MITF: variants seen among roughly 807,000 people sequenced by gnomAD.
MITF encodes the protein microphthalmia-associated transcription factor.
In MITF, 17 loss-of-function variants were observed where a neutral mutation model predicts 60.5. That is an observed-to-expected ratio of 0.28 (90% CI 0.19 to 0.42). The LOEUF is 0.42. MITF is among the 10% of genes least tolerant of loss of function. The probability of loss-of-function intolerance (pLI) is 1.00; values close to 1 mark genes in which losing one functional copy is unlikely to be tolerated. For missense variants in MITF, 622 were observed against 683.5 expected (o/e 0.91, Z 1.00); for synonymous variants, 260 against 248.5 (o/e 1.05, Z -0.43).
At chr3:69,812,506 A>G (rs1045961707) in intron 1 of MITF, among the ~76,000 whole-genome samples, 7 of 152,218 alleles carry the variant, frequency 4.6e-5, no homozygotes, top group African/African-American at 1.7e-4. Context: ...TGAATTCTAA[A>G]TGGAATACTT....
chr3:69,749,105 G>A (rs79277475), intron 1 of MITF, among the ~76,000 whole-genome samples: 1,884 of 152,252 alleles, frequency 0.012, 31 homozygotes, highest in African/African-American at 0.043. Flanking sequence ...AAATCCTAAA[G>A]ATGATTTCCT....
At chr3:69,934,092 T>C (rs1251249874) in intron 2 of MITF, among the ~76,000 whole-genome samples, 3 of 152,120 alleles carry the variant, frequency 2.0e-5, no homozygotes. Flanking sequence ...GGGAGTGACA[T>C]TGCTGGTGCA....
intron 2 of MITF, among the ~76,000 whole-genome samples, chr3:69,932,484 T>C (rs1215392628): frequency 6.6e-6 from 1 of 152,216 alleles, no homozygotes; most frequent in Non-Finnish European, 1.5e-5. Flanking sequence ...ACTCCTGTTG[T>C]AGAGAAAAAG....
intron 1 of MITF, among the ~76,000 whole-genome samples, chr3:69,835,778 T>A (rs1440529286): frequency 1.3e-5 from 2 of 152,152 alleles, no homozygotes; most frequent in African/African-American, 4.8e-5. Flanking sequence ...AAAAAGTCAT[T>A]TGGCTGTAGG....
intron 2 of MITF, among the ~76,000 whole-genome samples, chr3:69,889,988 T>C (rs1050017421): frequency 1.3e-5 from 2 of 152,156 alleles, no homozygotes; most frequent in African/African-American, 4.8e-5. Context: ...TTGGTAATAA[T>C]AAATCACATA....
At chr3:69,820,075 A>T (rs78208862) in intron 1 of MITF, among the ~76,000 whole-genome samples, 3,393 of 152,346 alleles carry the variant, frequency 0.022, 125 homozygotes, top group African/African-American at 0.077. Context: ...GACGTACTGT[A>T]TGTGTGAAAT....
chr3:69,873,219 G>A (rs970679134), intron 1 of MITF, among the ~76,000 whole-genome samples: 2 of 152,072 alleles, frequency 1.3e-5, no homozygotes, highest in East Asian at 1.9e-4. Context: ...TTTTAAGTAC[G>A]AGGGATGATA....
chr3:69,927,577 A>C (rs894022103), intron 2 of MITF, among the ~76,000 whole-genome samples: 1 of 152,250 alleles, frequency 6.6e-6, no homozygotes, highest in African/African-American at 2.4e-5. Context: ...GTAGTGTACT[A>C]GACAAGAAAT....
intron 1 of MITF, among the ~76,000 whole-genome samples, chr3:69,761,123 A>G (rs1280138145): frequency 1.3e-5 from 2 of 152,102 alleles, no homozygotes; most frequent in East Asian, 1.9e-4. Flanking sequence ...TCTTTTATAT[A>G]TTTCTATAGT....
At chr3:69,793,622 A>G (rs35408095) in intron 1 of MITF, among the ~76,000 whole-genome samples, 47,144 of 152,084 alleles carry the variant, frequency 0.31, 8,721 homozygotes, top group Non-Finnish European at 0.42. Flanking sequence ...GCTCCTGTTG[A>G]GAACCACTCC....
At chr3:69,963,558 T>C (rs1295526175) in intron 9 of MITF, among the ~76,000 whole-genome samples, 1 of 152,234 alleles carries the variant, frequency 6.6e-6, no homozygotes, top group Non-Finnish European at 1.5e-5. Context: ...TTTTATTTTG[T>C]TATTAAATAA....
chr3:69,937,104 T>A (rs2065855880), intron 2 of MITF: 1 of 215,024 alleles, frequency 4.7e-6, no homozygotes, highest in African/African-American at 2.3e-5. Flanking sequence ...TCTGAATTAA[T>A]GTCTGTAGGA....
intron 1 of MITF, among the ~76,000 whole-genome samples, chr3:69,878,077 C>T (rs1653266000): frequency 6.6e-6 from 1 of 152,150 alleles, no homozygotes; most frequent in Admixed American, 6.5e-5. Flanking sequence ...ACTCATTGTA[C>T]TAGGGCATTT....
intron 1 of MITF, among the ~76,000 whole-genome samples, chr3:69,761,667 A>G (rs894541896): frequency 6.6e-6 from 1 of 152,214 alleles, no homozygotes; most frequent in Non-Finnish European, 1.5e-5. Flanking sequence ...AAAGGTGCTC[A>G]CAGCATGCCT....
chr3:69,832,367 C>A (rs1036150883), intron 1 of MITF, among the ~76,000 whole-genome samples: 1 of 152,170 alleles, frequency 6.6e-6, no homozygotes, highest in African/African-American at 2.4e-5. Context: ...CAGGGTTATG[C>A]AGGTTCTGGC....
intron 1 of MITF, among the ~76,000 whole-genome samples, chr3:69,748,998 A>G (rs1703830604): frequency 6.6e-6 from 1 of 152,208 alleles, no homozygotes. Flanking sequence ...AAATATTCCT[A>G]AATACTAACT....
chr3:69,895,469 C>A (rs919478964), intron 2 of MITF, among the ~76,000 whole-genome samples: 1 of 152,066 alleles, frequency 6.6e-6, no homozygotes, highest in African/African-American at 2.4e-5. Context: ...GAATAGATGG[C>A]GAGGTTGTCA....
intron 2 of MITF, among the ~76,000 whole-genome samples, chr3:69,891,727 G>C (rs1406150599): frequency 6.6e-6 from 1 of 152,202 alleles, no homozygotes; most frequent in Non-Finnish European, 1.5e-5. Context: ...AAAGAGTTAT[G>C]GCAAATCTCC....
At chr3:69,947,727 C>T (rs560363268) in intron 5 of MITF, among the ~76,000 whole-genome samples, 41 of 152,064 alleles carry the variant, frequency 2.7e-4, no homozygotes, top group Admixed American at 4.6e-4. Context: ...CAATTCTGTT[C>T]GAGCCAGTGT....
Sources: gnomAD v4.1 joint callset for allele counts (sites outside exome capture counted in the v4.1 genomes callset) on GRCh38, gnomAD v4.1.1 for gene constraint, MANE v1.5 for transcripts, NCBI Gene and HGNC (gene_info 2026-07-23, HGNC 2026-07-21) for gene names.